PLD1: variants seen among roughly 807,000 people sequenced by gnomAD.
PLD1 encodes the protein phospholipase D1.
In PLD1, 112 loss-of-function variants were observed where a neutral mutation model predicts 137.1. The observed-to-expected ratio is 0.82, with a 90% CI of 0.70 to 0.96. PLD1 has a LOEUF of 0.96. Among genes scored for constraint, PLD1 ranks in the 40% least tolerant of loss-of-function variants. PLD1 has a pLI of 0.00. For synonymous variants in PLD1, 431 were observed against 454.7 expected (o/e 0.95, Z 0.66); for missense variants, 1,321 against 1,342.0 (o/e 0.98, Z 0.24).
At chr3:171,632,854 G>T (rs140398932) in intron 23 of PLD1, among the ~76,000 whole-genome samples, 1 of 152,306 alleles carries the variant, frequency 6.6e-6, no homozygotes, top group African/African-American at 2.4e-5. Flanking sequence ...CCATGCCAAA[G>T]CAGGCCTACA....
intron 9 of PLD1, among the ~76,000 whole-genome samples, chr3:171,711,448 C>T (rs377118028): frequency 1.3e-5 from 2 of 152,108 alleles, no homozygotes; most frequent in East Asian, 1.9e-4. Flanking sequence ...GGATTATAGG[C>T]GTGAGCCACC....
At chr3:171,671,871 A>C (rs138253933) in intron 19 of PLD1, among the ~76,000 whole-genome samples, 111 of 152,198 alleles carry the variant, frequency 7.3e-4, no homozygotes, top group African/African-American at 2.6e-3. Context: ...ATCTTCATTG[A>C]ACATTCCTGC....
At chr3:171,774,110 G>A (rs1194954409) in intron 1 of PLD1, among the ~76,000 whole-genome samples, 2 of 151,544 alleles carry the variant, frequency 1.3e-5, no homozygotes, top group Non-Finnish European at 2.9e-5. Flanking sequence ...ACACTGCCAA[G>A]ATCACACAGT....
At chr3:171,629,022 CAGG>C (rs1328359822) in intron 23 of PLD1, among the ~76,000 whole-genome samples, 1 of 147,250 alleles carries the variant, frequency 6.8e-6, no homozygotes, top group Non-Finnish European at 1.5e-5. Context: ...GGCAATTAGG[CAGG>C]AGAAGGAAAT....
intron 1 of PLD1, among the ~76,000 whole-genome samples, chr3:171,806,936 A>G (rs1268251810): frequency 6.6e-6 from 1 of 152,194 alleles, no homozygotes; most frequent in Non-Finnish European, 1.5e-5. Context: ...CTCAAACAGT[A>G]ATGTATTAGG....
intron 1 of PLD1, among the ~76,000 whole-genome samples, chr3:171,785,230 G>A (rs555395524): frequency 4.0e-4 from 61 of 152,268 alleles, no homozygotes; most frequent in Non-Finnish European, 5.7e-4. Context: ...TATTCCGACC[G>A]AATACGGTAT....
chr3:171,677,753 G>C, intron 16 of PLD1, 59 bp from the exon 17 acceptor site: 1 of 1,531,768 alleles, frequency 6.5e-7, no homozygotes, highest in East Asian at 2.3e-5. Flanking sequence ...CAGAAAGGGA[G>C]GCTCAACTCT....
At chr3:171,732,299 C>T (rs1719001763) in intron 6 of PLD1, among the ~76,000 whole-genome samples, 3 of 152,194 alleles carry the variant, frequency 2.0e-5, no homozygotes, top group Non-Finnish European at 2.9e-5. Flanking sequence ...TTGAGATCCT[C>T]TGGTGCAACC....
At chr3:171,790,180 C>T (rs1013527608) in intron 1 of PLD1, among the ~76,000 whole-genome samples, 3 of 152,212 alleles carry the variant, frequency 2.0e-5, no homozygotes, top group Non-Finnish European at 4.4e-5. Context: ...GGCTTAGGCC[C>T]TCCCTGGATT....
At chr3:171,680,869 C>G (rs2108493214) in intron 16 of PLD1, among the ~76,000 whole-genome samples, 1 of 152,310 alleles carries the variant, frequency 6.6e-6, no homozygotes, top group Non-Finnish European at 1.5e-5. Flanking sequence ...AAAAGTTTCT[C>G]CCATTTACTT....
intron 1 of PLD1, among the ~76,000 whole-genome samples, chr3:171,794,872 A>T (rs1723367943): frequency 1.3e-5 from 2 of 152,210 alleles, no homozygotes; most frequent in Admixed American, 1.3e-4. Context: ...AACCAACAGA[A>T]ATCTGTCTAA....
At chr3:171,709,246 C>CT (rs1293152259) in intron 10 of PLD1, among the ~76,000 whole-genome samples, 6 of 152,310 alleles carry the variant, frequency 3.9e-5, no homozygotes, top group African/African-American at 1.4e-4. Context: ...CAAGTAAATG[C>CT]TTTTTCCTAA....
intron 1 of PLD1, among the ~76,000 whole-genome samples, chr3:171,764,912 GA>G (rs776417359): frequency 0.014 from 382 of 26,504 alleles, no homozygotes; most frequent in Non-Finnish European, 0.019. Flanking sequence ...AGGAAGGAAG[GA>G]AAGAAAGAAA....
intron 1 of PLD1, among the ~76,000 whole-genome samples, chr3:171,796,358 T>C (rs975850756): frequency 4.6e-5 from 7 of 152,236 alleles, no homozygotes; most frequent in Non-Finnish European, 1.0e-4. Flanking sequence ...AGGTTGATAT[T>C]CATAGTTTAT....
intron 4 of PLD1, 79 bp from the exon 5 acceptor site, chr3:171,735,049 G>A (rs1160145541): frequency 1.0e-5 from 8 of 784,792 alleles, no homozygotes; most frequent in South Asian, 4.7e-5. Context: ...TTCATGAGAC[G>A]GCATATTTTT....
At position 171,623,460 on chromosome 3, in the gene PLD1, G is replaced by A. The variant is rs367635150; in HGVS notation, c.2594-2940C>T. On this transcript the variant is annotated intron_variant, in intron 23 of 26. Transcript: ENST00000351298. ...CTCCCAAGTAGCTGGGACTACAGGC[G>A]CCCACCACCACGCCTTGCTAATTTT... 5.5e-5 allele frequency among the ~76,000 whole-genome samples: 8 copies of A among 146,400 alleles called. 1 individual carries two copies. Among genetic ancestry groups the A allele is most frequent in the African/African-American group, 1.8e-4 (7 of 39,462 alleles).
At chr3:171,647,886 T>C (rs544047148) in intron 21 of PLD1, among the ~76,000 whole-genome samples, 1 of 152,192 alleles carries the variant, frequency 6.6e-6, no homozygotes, top group Non-Finnish European at 1.5e-5. Context: ...TGTTTTTCCC[T>C]GCCTGCACCC....
rs1389280982 is a variant in PLD1 at position 171,737,873 on chromosome 3, T to C, written c.160+19A>G. The C allele has an allele frequency of 2.5e-6, 4 of 1,609,490 alleles. No homozygotes were observed. In the African/African-American group the frequency reaches 5.4e-5, roughly 22 times the overall value. On this transcript the variant is annotated intron_variant, in intron 2 of 26. Coordinates refer to ENST00000351298, the MANE Select transcript of PLD1 (RefSeq NM_002662.5). ...CGAGATAAACTCTTTTCTTCCCCGCTCAGATCATCCGTCTTTACCTTCTTG... is the reference window on the plus strand; with the variant it reads ...CGAGATAAACTCTTTTCTTCCCCGCCCAGATCATCCGTCTTTACCTTCTTG...
chr3:171,805,634 G>A (rs1012333988), intron 1 of PLD1, among the ~76,000 whole-genome samples: 10 of 151,938 alleles, frequency 6.6e-5, no homozygotes, highest in Non-Finnish European at 1.3e-4. Flanking sequence ...TTCGTTTTCC[G>A]AAAAATAAAG....
Sources: gnomAD v4.1 joint callset for allele counts (sites outside exome capture counted in the v4.1 genomes callset) on GRCh38, gnomAD v4.1.1 for gene constraint, MANE v1.5 for transcripts, NCBI Gene and HGNC (gene_info 2026-07-23, HGNC 2026-07-21) for gene names.